COQ8A: variants seen among roughly 807,000 people sequenced by gnomAD.
The protein encoded by COQ8A is atypical kinase COQ8A, mitochondrial.
Under a neutral mutation model 65.0 loss-of-function variants are expected in COQ8A, and 51 were observed. The observed-to-expected ratio is 0.78, with a 90% CI of 0.63 to 0.99. The LOEUF (loss-of-function observed/expected upper bound fraction) is 0.99. Ranked by LOEUF, COQ8A falls within the 50% of genes least tolerant of loss-of-function variation. COQ8A has a pLI of 0.00. For synonymous variants in COQ8A, 371 were observed against 353.2 expected (o/e 1.05, Z -0.57); for missense variants, 940 against 875.0 (o/e 1.07, Z -0.94).
At chr1:226,977,583 GC>G in intron 5 of COQ8A, 60 bp downstream of exon 5, 1 of 1,506,854 alleles carries the variant, frequency 6.6e-7, no homozygotes. Context: ...GAGCCTGTCA[GC>G]CCCCAGCCCC....
chr1:226,977,376 G>A lies in COQ8A; in HGVS notation c.656-73G>A, dbSNP rs576271138. On this transcript the variant is annotated intron_variant, in intron 4 of 14. Transcript: ENST00000366777. ...GCGGTGTCTGTGTGGTGCTGCCCCA[G>A]GCCTTGTGGGTGGGCGAGCGGGTGG... The A allele has an allele frequency of 1.6e-5, 23 of 1,439,100 alleles. No individual in the cohort carries two copies. The African/African-American group carries it at 2.5e-4, about 16-fold the overall frequency. The allele number at this position is 1,439,100 out of a possible 1,614,324, so 89.1% of individuals were successfully genotyped here. A position where few individuals can be genotyped will look rare whatever the true frequency, so the allele number is the denominator to read the frequency against.
chr1:226,980,821 G>A (rs1659639029), intron 5 of COQ8A, among the ~76,000 whole-genome samples: 1 of 152,190 alleles, frequency 6.6e-6, no homozygotes, highest in Non-Finnish European at 1.5e-5. Context: ...CTCCTCTTCC[G>A]GGCCCGCAGG....
rs545784553 is a variant in COQ8A, at chr1:226,978,796, C to T, written c.730+1273C>T. 2.8e-5 allele frequency among the ~76,000 whole-genome samples: 3 copies of T among 106,276 alleles called. No individual in the cohort carries two copies. The East Asian group carries it at 8.3e-4, about 29-fold the overall frequency. The allele number at this position is 106,276 out of a possible 152,430, so 69.7% of individuals were successfully genotyped here. A position where few individuals can be genotyped will look rare whatever the true frequency, so the allele number is the denominator to read the frequency against. On this transcript the variant is annotated intron_variant, in intron 5 of 14. Transcript: ENST00000366777. ...CCTCCGTACACACCCACCTCTCACCCGCACAGCTCCTTACACACCCTCCAT... is the reference window on the plus strand; with the variant it reads ...CCTCCGTACACACCCACCTCTCACCTGCACAGCTCCTTACACACCCTCCAT...
intron 4 of COQ8A, among the ~76,000 whole-genome samples, chr1:226,971,002 G>A (rs182625523): frequency 2.8e-4 from 43 of 152,082 alleles, no homozygotes; most frequent in Admixed American, 4.6e-4. Flanking sequence ...GTGCAATGGC[G>A]TGATCTCGAC....
chr1:226,961,007 C>G (rs1315168698), intron 1 of COQ8A, among the ~76,000 whole-genome samples: 1 of 152,140 alleles, frequency 6.6e-6, no homozygotes, highest in African/African-American at 2.4e-5. Flanking sequence ...GGGATGAACC[C>G]TAGACTGGGA....
chr1:226,986,647 C>T lies in COQ8A; in HGVS notation c.1854C>T (p.Leu618=), dbSNP rs781643448. The change falls in exon 15 of 15, where the codon CTC becomes CTT. Residue 618 remains leucine (L), a synonymous_variant. Transcript: ENST00000366777. The part of the protein sequence containing the change: ...SLHRKMGGSF[L]ICSKLKARFP... ...ACAGGAAGATGGGGGGCTCCTTCCT[C>T]ATCTGCTCCAAGCTGAAGGCCCGCT... 9.3e-6 allele frequency: 15 copies of T among 1,614,094 alleles called. No individual in the cohort carries two copies. The highest frequency in any genetic ancestry group is 1.3e-5 in the Non-Finnish European group (15 of 1,180,026).
At chr1:226,942,404 A>G (rs955126971) in intron 1 of COQ8A, among the ~76,000 whole-genome samples, 2 of 151,946 alleles carry the variant, frequency 1.3e-5, no homozygotes, top group African/African-American at 4.8e-5. Flanking sequence ...AATGTGTGGC[A>G]GTGACTGGCT....
At chr1:226,969,779 G>A (rs1572053640) in intron 4 of COQ8A, among the ~76,000 whole-genome samples, 1 of 151,912 alleles carries the variant, frequency 6.6e-6, no homozygotes, top group Non-Finnish European at 1.5e-5. Flanking sequence ...TGTTTTAAGT[G>A]TAGACTGATA....
intron 1 of COQ8A, among the ~76,000 whole-genome samples, chr1:226,950,306 C>T (rs1302449692): frequency 6.6e-6 from 1 of 152,192 alleles, no homozygotes; most frequent in Admixed American, 6.5e-5. Context: ...CAGTGCTCAC[C>T]ACAGGGCAAC....
intron 4 of COQ8A, among the ~76,000 whole-genome samples, chr1:226,969,516 G>T (rs549754895): frequency 2.0e-5 from 3 of 152,286 alleles, no homozygotes; most frequent in Admixed American, 6.5e-5. Flanking sequence ...GATTACAGGC[G>T]TGAGCCACCG....
rs1660152771 is a variant in COQ8A at position 226,986,869 on chromosome 1, C to T, written c.*132C>T. 3.5e-5 allele frequency: 39 copies of T among 1,125,520 alleles called. No homozygotes were observed. Among genetic ancestry groups the T allele is most frequent in the Non-Finnish European group, 3.7e-5 (29 of 786,010 alleles). 69.7% of individuals were successfully genotyped at this position (1,125,520 alleles called of 1,614,324 possible). On this transcript the variant is annotated 3_prime_UTR_variant, in exon 15 of 15. Coordinates refer to ENST00000366777, the MANE Select transcript of COQ8A (RefSeq NM_020247.5). ...TAAGGGGGGTGGCTGCCTGGAGCCC[C>T]GTAGCCAGCGCTTTCCACGGTTTCT...
chr1:226,960,181 A>G (rs1467903229), intron 1 of COQ8A, among the ~76,000 whole-genome samples: 2 of 56,438 alleles, frequency 3.5e-5, no homozygotes, highest in African/African-American at 7.2e-5. Flanking sequence ...GGTGGTGGTG[A>G]TGGTACTTGT....
At chr1:226,965,503 G>A (rs1658509618) in intron 3 of COQ8A, 93 bp downstream of exon 3, 5 of 1,550,140 alleles carry the variant, frequency 3.2e-6, no homozygotes, top group Non-Finnish European at 2.6e-6. Context: ...CCTGGGTGCT[G>A]TGGTCTGGGG....
At chr1:226,956,382 A>T (rs1328860356) in intron 1 of COQ8A, among the ~76,000 whole-genome samples, 1 of 124,046 alleles carries the variant, frequency 8.1e-6, no homozygotes, top group African/African-American at 3.5e-5. Context: ...CGTGGTTCAC[A>T]CTCTCCCTGG....
At chr1:226,965,973 T>C (rs1658546985) in intron 4 of COQ8A, among the ~76,000 whole-genome samples, 1 of 152,222 alleles carries the variant, frequency 6.6e-6, no homozygotes, top group African/African-American at 2.4e-5. Flanking sequence ...GGGCCGATGC[T>C]GTGCCAGGAG....
chr1:226,954,479 C>G (rs377440814), intron 1 of COQ8A, among the ~76,000 whole-genome samples: 4 of 152,234 alleles, frequency 2.6e-5, no homozygotes, highest in African/African-American at 9.7e-5. Flanking sequence ...TGCAGATTCC[C>G]GGGCCCCACC....
At chr1:226,952,982 A>G (rs1001438761) in intron 1 of COQ8A, among the ~76,000 whole-genome samples, 26 of 152,084 alleles carry the variant, frequency 1.7e-4, no homozygotes, top group African/African-American at 5.8e-4. Flanking sequence ...ATATATAATA[A>G]TACACTTTCT....
At position 226,986,924 on chromosome 1, in the gene COQ8A, C is replaced by G; in HGVS notation, c.*187C>G. Reference sequence around the variant, plus strand: ...CTAAATGGTTGTAGGGTGAGAAGTGCAAGAATGAAGATGAAGCCCCACTGC... The same window carrying G: ...CTAAATGGTTGTAGGGTGAGAAGTGGAAGAATGAAGATGAAGCCCCACTGC... On this transcript the variant is annotated 3_prime_UTR_variant, in exon 15 of 15. Transcript: ENST00000366777. 2.9e-6 allele frequency: 2 copies of G among 701,544 alleles called. No homozygotes were observed. Among genetic ancestry groups the G allele is most frequent in the South Asian group, 3.7e-5 (2 of 53,948 alleles). 43.5% of individuals were successfully genotyped at this position (701,544 alleles called of 1,614,324 possible). A position where few individuals can be genotyped will look rare whatever the true frequency, so the allele number is the denominator to read the frequency against.
At chr1:226,983,246 C>A (rs1189168503) in intron 8 of COQ8A, 2 of 818,512 alleles carry the variant, frequency 2.4e-6, no homozygotes, top group Non-Finnish European at 1.9e-6. Flanking sequence ...CACAGAGGGG[C>A]CCCCAGCAAG....
Sources: allele counts gnomAD v4.1 joint callset (sites outside exome capture counted in the v4.1 genomes callset), GRCh38; gene constraint gnomAD v4.1.1; transcripts MANE v1.5; gene names NCBI Gene and HGNC (gene_info 2026-07-23, HGNC 2026-07-21).